Variants in GPNMB observed in about 807,000 individuals in gnomAD.
GPNMB encodes glycoprotein nmb.
GPNMB carries 71 observed loss-of-function variants against 57.3 expected under a neutral mutation model. That is an observed-to-expected ratio of 1.24 (90% CI 1.02 to 1.51). The LOEUF is 1.51. Ranked by LOEUF, GPNMB falls within the 40% of genes most tolerant of loss-of-function variation. The pLI, the probability that GPNMB is intolerant of heterozygous loss-of-function variation, is 0.00. For synonymous variants in GPNMB, 253 were observed against 263.2 expected (o/e 0.96, Z 0.38); for missense variants, 677 against 691.9 (o/e 0.98, Z 0.24).
chr7:23,249,783 CTG>C (rs151013531), intron 1 of GPNMB, among the ~76,000 whole-genome samples: 4,574 of 152,268 alleles, frequency 0.03, 206 homozygotes, highest in African/African-American at 0.098. Context: ...GTGCAGATCT[CTG>C]TGAGAATATC....
At chr7:23,272,775 A>G (rs1662002556) in intron 9 of GPNMB, among the ~76,000 whole-genome samples, 1 of 152,138 alleles carries the variant, frequency 6.6e-6, no homozygotes, top group South Asian at 2.1e-4. Flanking sequence ...TCGAGTAGAA[A>G]CCAAGACAAA....
chr7:23,250,361 C>G (rs141302672), intron 1 of GPNMB, among the ~76,000 whole-genome samples: 279 of 152,206 alleles, frequency 1.8e-3, no homozygotes, highest in African/African-American at 6.5e-3. Flanking sequence ...AAGATTTCAC[C>G]TATGCTTTTT....
chr7:23,253,281 G>T (rs773027372), intron 1 of GPNMB, 26 bp from the exon 2 acceptor site: 2 of 1,603,536 alleles, frequency 1.2e-6, no homozygotes, highest in Non-Finnish European at 1.7e-6. Context: ...AATGAAGAAT[G>T]GAATTTGTTT....
intron 1 of GPNMB, 55 bp from the exon 2 acceptor site, chr7:23,253,252 C>T: frequency 1.4e-6 from 2 of 1,474,592 alleles, no homozygotes; most frequent in Non-Finnish European, 1.9e-6. Flanking sequence ...TTTCTTTAAC[C>T]ACTGTGAGGT....
chr7:23,260,339 AAAT>A, intron 5 of GPNMB, 114 bp from the exon 6 acceptor site: 1 of 1,067,624 alleles, frequency 9.4e-7, no homozygotes, highest in Non-Finnish European at 1.4e-6. Flanking sequence ...GTGAAAAGGA[AAAT>A]AATGCTAAAT....
intron 6 of GPNMB, among the ~76,000 whole-genome samples, chr7:23,262,539 A>G (rs1410000993): frequency 1.3e-5 from 2 of 149,656 alleles, no homozygotes; most frequent in African/African-American, 2.5e-5. Flanking sequence ...ATATAAGTCT[A>G]TCTCACTTTA....
Position 23,270,098 on chromosome 7 carries a change from C to A in GPNMB, c.1352C>A (p.Thr451Lys). Residue 451 changes from threonine to lysine, a missense_variant, in exon 9 of 11, where the codon ACG becomes AAG. Coordinates refer to ENST00000258733, the MANE Select transcript of GPNMB (RefSeq NM_002510.3). ...AGACGAACCTTCAATGGGTCTGGGA[C>A]GTACTGTGTGAACCTCACCCTGGGG... is the stretch of plus-strand genomic sequence containing the variant. ...TVRRTFNGSGTYCVNLTLGDD... is the reference protein window; with the variant it reads ...TVRRTFNGSGKYCVNLTLGDD... The A allele has an allele frequency of 1.2e-6, 2 of 1,613,982 alleles. No individual in the cohort carries two copies. Among genetic ancestry groups the A allele is most frequent in the Non-Finnish European group, 1.7e-6 (2 of 1,179,924 alleles).
intron 9 of GPNMB, among the ~76,000 whole-genome samples, chr7:23,272,509 G>C (rs944804045): frequency 1.3e-5 from 2 of 152,074 alleles, no homozygotes; most frequent in African/African-American, 4.8e-5. Flanking sequence ...AAGAGAGAGA[G>C]AGTGAGAAAG....
At chr7:23,248,776 GTT>G (rs1554300154) in intron 1 of GPNMB, among the ~76,000 whole-genome samples, 2 of 143,378 alleles carry the variant, frequency 1.4e-5, no homozygotes, top group Non-Finnish European at 1.5e-5. Flanking sequence ...TTACTATTGG[GTT>G]TTTTTTTTTT....
In GPNMB at chr7:23,266,520, C is replaced by G. The variant is rs1212986667; in HGVS notation, c.1022C>G (p.Pro341Arg). 1 of 1,612,860 alleles carries G rather than the reference C, an allele frequency of 6.2e-7. No homozygotes were observed. Among genetic ancestry groups the G allele is most frequent in the Admixed American group, 1.7e-5 (1 of 60,000 alleles). Residue 341 changes from proline (P) to arginine (R), a missense_variant, in exon 7 of 11, where the codon CCT (proline) becomes CGT (arginine). Physicochemically the swap from Pro to Arg is moderately radical, Grantham distance 103 (BLOSUM62 -2). Coordinates refer to ENST00000258733, the MANE Select transcript of GPNMB (RefSeq NM_002510.3). ...TCTTATGATTCAAACACCCCAGGACCTGCTGGTGACAACCCCCTGGAGCTG... is the reference window on the plus strand; with the variant it reads ...TCTTATGATTCAAACACCCCAGGACGTGCTGGTGACAACCCCCTGGAGCTG... ...RPSKPTPSLG[P>R]AGDNPLELSR... is the part of the protein sequence containing the mutation.
chr7:23,262,608 CTTTTTT>C (rs58011121), intron 6 of GPNMB, among the ~76,000 whole-genome samples: 226 of 62,838 alleles, frequency 3.6e-3, no homozygotes, highest in African/African-American at 0.013. Flanking sequence ...TCACCATTCT[CTTTTTT>C]TTTTTTTTTT....
chr7:23,254,339 A>C lies in GPNMB; in HGVS notation c.367+27A>C, dbSNP rs368794826. The C allele has an allele frequency of 3.1e-6, 5 of 1,589,156 alleles. No individual in the cohort carries two copies. The African/African-American group carries it at 6.7e-5, about 21-fold the overall frequency. ...TAAGAACACAGTATTCTCCTAAACTACTGGAGACCCAGTTTCTAAACCTTA... is the reference window on the plus strand; with the variant it reads ...TAAGAACACAGTATTCTCCTAAACTCCTGGAGACCCAGTTTCTAAACCTTA... On this transcript the variant is annotated intron_variant, in intron 3 of 10. Transcript: ENST00000258733.
chr7:23,265,434 G>A (rs552365078), intron 6 of GPNMB, among the ~76,000 whole-genome samples: 3 of 152,244 alleles, frequency 2.0e-5, no homozygotes, highest in South Asian at 4.1e-4. Flanking sequence ...AAGGAGCAGC[G>A]ATGTCTTAAT....
intron 3 of GPNMB, among the ~76,000 whole-genome samples, chr7:23,255,872 C>T (rs560344080): frequency 6.6e-6 from 1 of 151,972 alleles, no homozygotes; most frequent in Non-Finnish European, 1.5e-5. Flanking sequence ...TTTATCATTT[C>T]TTTGTGCTGA....
In GPNMB at chr7:23,254,220, C is replaced by G. The variant is rs1237735174; in HGVS notation, c.275C>G (p.Ser92Ter). The G allele has an allele frequency of 3.1e-6, 5 of 1,613,986 alleles. No homozygotes were observed. Among genetic ancestry groups the G allele is most frequent in the Non-Finnish European group, 4.2e-6 (5 of 1,179,904 alleles). ...LTSDSPALVG[S>*]NITFAVNLIF... The stretch of plus-strand genomic sequence containing the variant: ...AGTGACTCACCAGCCCTCGTGGGCT[C>G]AAATATAACATTTGCGGTGAACCTG... The change falls in exon 3 of 11, where the codon TCA becomes TGA. Residue 92 changes from serine to a stop codon, truncating the protein, a stop_gained. Transcript: ENST00000258733. LOFTEE classifies it high-confidence loss of function.
At chr7:23,269,810 A>T (rs1352051068) in intron 8 of GPNMB, among the ~76,000 whole-genome samples, 157 bp from the exon 9 acceptor site, 2 of 152,242 alleles carry the variant, frequency 1.3e-5, no homozygotes, top group Non-Finnish European at 2.9e-5. Context: ...AGAGCAGATT[A>T]TAAGACTAAC....
At chr7:23,267,738 A>AC (rs1441230029) in intron 7 of GPNMB, 148 bp from the exon 8 acceptor site, 6 of 651,732 alleles carry the variant, frequency 9.2e-6, no homozygotes, top group Non-Finnish European at 1.6e-5. Context: ...CCTCCCAAAG[A>AC]CCCCCCTCCT....
At chr7:23,270,208 C>A in intron 9 of GPNMB, 33 bp downstream of exon 9, 1 of 1,443,116 alleles carries the variant, frequency 6.9e-7, no homozygotes, top group Non-Finnish European at 9.8e-7. Flanking sequence ...ATGAGCATTT[C>A]ATACTGCAAG....
At chr7:23,273,249 G>A in intron 9 of GPNMB, 1 of 335,704 alleles carries the variant, frequency 3.0e-6, no homozygotes, top group Non-Finnish European at 5.4e-6. Context: ...TGGCGCTGCT[G>A]GGTCACCCAA....
Sources: allele counts gnomAD v4.1 joint callset (sites outside exome capture counted in the v4.1 genomes callset), GRCh38; gene constraint gnomAD v4.1.1; transcripts MANE v1.5; gene names NCBI Gene and HGNC (gene_info 2026-07-23, HGNC 2026-07-21).